The following TAF1 variants were observed in gnomAD, a reference collection of about 807,000 sequenced individuals.
The protein encoded by TAF1 is transcription initiation factor TFIID subunit 1.
A neutral mutation model predicts 138.5 loss-of-function variants in TAF1; 2 were observed. That is an observed-to-expected ratio of 0.01 (90% confidence interval 0.01 to 0.05). The LOEUF is 0.05. Ranked by LOEUF, TAF1 falls within the 10% of genes least tolerant of loss-of-function variation. TAF1 has a pLI of 1.00. For missense variants in TAF1, 709 were observed against 1,478.0 expected, an observed-to-expected ratio of 0.48 and a Z score of 8.53; for synonymous variants, 437 against 503.2, an observed-to-expected ratio of 0.87 and a Z score of 1.76.
intron 28 of TAF1, chrX:71,420,577 G>A (rs1602614884): frequency 5.0e-6 from 6 of 1,209,256 alleles, no homozygotes; most frequent in East Asian, 3.0e-5. Flanking sequence ...TCTCTACCTC[G>A]TTCTGTAGCT....
At chrX:71,429,411 G>C (rs559337143) in intron 32 of TAF1, among the ~76,000 whole-genome samples, 1 of 111,547 alleles carries the variant, frequency 9.0e-6, no homozygotes, top group African/African-American at 3.3e-5. Flanking sequence ...GGAAAATGGT[G>C]GGGGAGAAGT....
intron 4 of TAF1, among the ~76,000 whole-genome samples, chrX:71,375,560 A>C (rs979213314): frequency 8.9e-6 from 1 of 111,807 alleles, no homozygotes; most frequent in African/African-American, 3.2e-5. Context: ...TTAAAAAAAA[A>C]AAACAAATAC....
chrX:71,519,950 T>A (rs922649158), intron 13 of TAF1, among the ~76,000 whole-genome samples: 8 of 108,319 alleles, frequency 7.4e-5, no homozygotes, highest in African/African-American at 2.7e-4. Flanking sequence ...GGATTACAGG[T>A]GCCCACCACC....
At chrX:71,485,916 C>T (rs1211463620) in intron 13 of TAF1, among the ~76,000 whole-genome samples, 1 of 110,426 alleles carries the variant, frequency 9.1e-6, no homozygotes, top group African/African-American at 3.3e-5. Flanking sequence ...GAACTCATTG[C>T]CAAATCCAAG....
At chrX:71,422,983 C>T in intron 29 of TAF1, 134 bp from the exon 30 acceptor site, 2 of 814,194 alleles carry the variant, frequency 2.5e-6, no homozygotes, top group Non-Finnish European at 3.5e-6. Flanking sequence ...ACCTTGTGAT[C>T]CGCCCGCCTC....
At chrX:71,518,465 C>T (rs1220707695) in intron 13 of TAF1, among the ~76,000 whole-genome samples, 1 of 111,431 alleles carries the variant, frequency 9.0e-6, no homozygotes, top group Non-Finnish European at 1.9e-5. Context: ...GCCACCATGC[C>T]AGGCCAAGAA....
chrX:71,443,787 C>T (rs1157137784), intron 32 of TAF1, among the ~76,000 whole-genome samples: 5 of 111,811 alleles, frequency 4.5e-5, no homozygotes, highest in African/African-American at 1.3e-4. Context: ...CAGCTCACTG[C>T]AGTCTCTGCC....
At chrX:71,383,275 G>A in intron 12 of TAF1, 111 bp downstream of exon 12, 3 of 881,135 alleles carry the variant, frequency 3.4e-6, no homozygotes, top group Non-Finnish European at 4.6e-6. Flanking sequence ...TCTCAGATGT[G>A]ATAGAATGTT....
chrX:71,381,217 C>T (rs773676276), intron 8 of TAF1, among the ~76,000 whole-genome samples: 1 of 112,412 alleles, frequency 8.9e-6, no homozygotes, highest in East Asian at 2.8e-4. Flanking sequence ...TAAATTTCAA[C>T]TATTATAAAC....
chrX:71,429,232 A>G (rs1158303169), intron 32 of TAF1, among the ~76,000 whole-genome samples: 6 of 110,326 alleles, frequency 5.4e-5, no homozygotes, highest in South Asian at 3.8e-4. Context: ...CTGAGATCGC[A>G]TCACTGCACT....
intron 34 of TAF1, 135 bp downstream of exon 34, chrX:71,454,992 C>T (rs1384698285): frequency 2.6e-6 from 3 of 1,163,588 alleles, no homozygotes; most frequent in Admixed American, 2.6e-5. Context: ...CGTGTGCTTT[C>T]TTGTCTTCTC....
chrX:71,455,074 G>A, intron 34 of TAF1: 1 of 1,140,396 alleles, frequency 8.8e-7, no homozygotes, highest in Non-Finnish European at 1.2e-6. Flanking sequence ...TGGGATGAAT[G>A]AATGGGGTGG....
chrX:71,369,007 A>T (rs1380990619), intron 3 of TAF1: 2 of 105,436 alleles, frequency 1.9e-5, no homozygotes, highest in Non-Finnish European at 3.9e-5. Context: ...CCCGCCACCA[A>T]GCCCGGCTAT....
intron 28 of TAF1, among the ~76,000 whole-genome samples, chrX:71,409,150 T>C (rs1216983751): frequency 8.9e-6 from 1 of 111,782 alleles, no homozygotes; most frequent in African/African-American, 3.2e-5. Context: ...ACATGTTCAC[T>C]TTGCTCAAAA....
In TAF1 at chrX:71,394,221, A is replaced by G; in HGVS notation, c.3382A>G (p.Lys1128Glu). 1 of 1,211,110 alleles carries G rather than the reference A, an allele frequency of 8.3e-7. No individual in the cohort carries two copies. Among genetic ancestry groups the G allele is most frequent in the African/African-American group, 1.7e-5 (1 of 57,909 alleles). Residue 1128 changes from lysine to glutamate, a missense_variant, in exon 22 of 38, where the codon AAG (lysine) becomes GAG (glutamate). Coordinates refer to ENST00000423759, the MANE Select transcript of TAF1 (RefSeq NM_004606.5). ...ACGTGAACGGGAGGAACAGGAGCGG[A>G]AGGAACTACAGCGAATGCTACTGGG... The part of the protein sequence containing the change: ...LSREREEQER[K>E]ELQRMLLAAG...
At chrX:71,371,800 C>T (rs976650100) in intron 3 of TAF1, among the ~76,000 whole-genome samples, 1 of 111,796 alleles carries the variant, frequency 8.9e-6, no homozygotes, top group African/African-American at 3.3e-5. Context: ...GCTTGGATTT[C>T]TCATTTGTAA....
intron 32 of TAF1, among the ~76,000 whole-genome samples, chrX:71,453,384 C>CT (rs1491199667): frequency 2.6e-5 from 1 of 38,214 alleles, no homozygotes; most frequent in Admixed American, 4.3e-4. Flanking sequence ...CATAGTGAGA[C>CT]CCCCCCCCCA....
chrX:71,406,570 T>C (rs2035482779), intron 25 of TAF1, 68 bp from the exon 26 acceptor site: 2 of 1,059,446 alleles, frequency 1.9e-6, no homozygotes, highest in South Asian at 2.1e-5. Flanking sequence ...TTTTTAATTA[T>C]AGTTGCTTTT....
At chrX:71,448,943 C>T (rs539483265) in intron 32 of TAF1, among the ~76,000 whole-genome samples, 5 of 109,450 alleles carry the variant, frequency 4.6e-5, no homozygotes, top group African/African-American at 1.0e-4. Context: ...CTCAGCCTCC[C>T]GAGTAGCTGG....
Sources: allele counts gnomAD v4.1 joint callset (sites outside exome capture counted in the v4.1 genomes callset), GRCh38; gene constraint gnomAD v4.1.1; transcripts MANE v1.5; gene names NCBI Gene and HGNC (gene_info 2026-07-23, HGNC 2026-07-21).